The following SLC14A2 variants were observed in gnomAD, a reference collection of about 807,000 sequenced individuals.
SLC14A2 encodes the protein solute carrier family 14 member 2.
SLC14A2 carries 91 observed loss-of-function variants against 104.6 expected under a neutral mutation model. The observed-to-expected ratio is 0.87, with a 90% CI of 0.73 to 1.04. SLC14A2 has a LOEUF of 1.04. Ranked by LOEUF, SLC14A2 falls within the 50% of genes least tolerant of loss-of-function variation. The pLI, the probability that SLC14A2 is intolerant of heterozygous loss-of-function variation, is 0.00. For synonymous variants in SLC14A2, 476 were observed against 466.4 expected, an observed-to-expected ratio of 1.02 and a Z score of -0.27; for missense variants, 1,189 against 1,156.0, an observed-to-expected ratio of 1.03 and a Z score of -0.41.
the SLC14A2 span, among the ~76,000 whole-genome samples, chr18:45,205,542 ATTG>A: frequency 5.9e-5 from 9 of 152,312 alleles, no homozygotes; most frequent in East Asian, 9.7e-4. Flanking sequence ...GGAAAAGGTC[ATTG>A]TTGTTGTGGT....
intron 1 of SLC14A2, among the ~76,000 whole-genome samples, chr18:45,388,842 G>A (rs1303201424): frequency 6.6e-6 from 1 of 152,174 alleles, no homozygotes; most frequent in Non-Finnish European, 1.5e-5. Context: ...TGAGTGATAG[G>A]ATGATAAAGC....
At chr18:45,498,092 C>T (rs2043130570) in intron 2 of SLC14A2, among the ~76,000 whole-genome samples, 1 of 152,048 alleles carries the variant, frequency 6.6e-6, no homozygotes, top group Non-Finnish European at 1.5e-5. Context: ...CATGGAAGTC[C>T]ATTCCTGTCC....
chr18:45,642,376 T>C (rs12965073), intron 8 of SLC14A2, among the ~76,000 whole-genome samples: 140,737 of 152,214 alleles, frequency 0.92, 65,185 homozygotes, highest in Middle Eastern at 0.96. Flanking sequence ...CCGTAACTGC[T>C]TTTGGCCTTC....
At chr18:45,187,762 T>TAAAA in the SLC14A2 span, among the ~76,000 whole-genome samples, 246 of 151,372 alleles carry the variant, frequency 1.6e-3, no homozygotes, top group South Asian at 3.4e-3. Context: ...CTGCTTCTGG[T>TAAAA]AAAAAAATAA....
At chr18:45,581,932 T>C (rs1009613334) in intron 2 of SLC14A2, among the ~76,000 whole-genome samples, 13 of 152,192 alleles carry the variant, frequency 8.5e-5, no homozygotes, top group African/African-American at 3.1e-4. Context: ...TCTTAGTTTA[T>C]TTTCTGTTGC....
intron 2 of SLC14A2, among the ~76,000 whole-genome samples, chr18:45,608,253 A>C (rs1212097017): frequency 6.6e-6 from 1 of 152,232 alleles, no homozygotes; most frequent in Non-Finnish European, 1.5e-5. Flanking sequence ...CTCTCATTAA[A>C]TCCCTGATGG....
intron 2 of SLC14A2, among the ~76,000 whole-genome samples, chr18:45,501,864 G>A (rs779428923): frequency 3.3e-5 from 5 of 152,184 alleles, no homozygotes; most frequent in Non-Finnish European, 7.3e-5. Flanking sequence ...CACAAGTCTT[G>A]GCTAGAGCAA....
the SLC14A2 span, among the ~76,000 whole-genome samples, chr18:45,195,514 C>T: frequency 6.6e-6 from 1 of 152,176 alleles, no homozygotes; most frequent in Non-Finnish European, 1.5e-5. Context: ...GCCTCAGCCT[C>T]CAGAGTAGCT....
rs2045273149 is a variant in SLC14A2 at position 45,627,162 on chromosome 18, A to G, written c.521+15A>G. ...GGCCAAGACAGGTGGGTCCCTCTCTATAGGGATTTTAGCAAGATGTGTGGA... is the reference window on the plus strand; with the variant it reads ...GGCCAAGACAGGTGGGTCCCTCTCTGTAGGGATTTTAGCAAGATGTGTGGA... On this transcript the variant is annotated intron_variant, in intron 4 of 19. Coordinates refer to ENST00000255226, the MANE Select transcript of SLC14A2 (RefSeq NM_007163.4). 1 of 1,609,722 alleles carries G rather than the reference A, an allele frequency of 6.2e-7. No homozygotes were observed. The highest frequency in any genetic ancestry group is 1.3e-5 in the African/African-American group (1 of 74,928).
At chr18:45,339,806 C>G (rs1489609629) in intron 1 of SLC14A2, among the ~76,000 whole-genome samples, 1 of 152,104 alleles carries the variant, frequency 6.6e-6, no homozygotes, top group East Asian at 1.9e-4. Flanking sequence ...GTAGGGTGAC[C>G]ATATAATTTA....
intron 1 of SLC14A2, among the ~76,000 whole-genome samples, chr18:45,296,578 GGA>G (rs1291498767): frequency 6.6e-6 from 1 of 152,158 alleles, no homozygotes; most frequent in Non-Finnish European, 1.5e-5. Flanking sequence ...ACTACATGCT[GGA>G]TTAGGGAGTC....
upstream of SLC14A2, among the ~76,000 whole-genome samples, chr18:45,611,795 A>G (rs1815450137): frequency 6.6e-6 from 1 of 152,104 alleles, no homozygotes; most frequent in Admixed American, 6.5e-5. Context: ...CACATCACTG[A>G]CCCTGCAAAA....
chr18:45,632,149 G>GTT (rs1480848393), intron 4 of SLC14A2, among the ~76,000 whole-genome samples: 3 of 5,078 alleles, frequency 5.9e-4, no homozygotes, highest in Admixed American at 3.3e-3. Context: ...GTGTGTTTGT[G>GTT]TGTGTGTGTG....
intron 1 of SLC14A2, among the ~76,000 whole-genome samples, chr18:45,342,655 T>G (rs1016124125): frequency 1.3e-5 from 2 of 152,214 alleles, no homozygotes; most frequent in Non-Finnish European, 2.9e-5. Context: ...AGATAATGTT[T>G]GTTTGCACCA....
the SLC14A2 span, among the ~76,000 whole-genome samples, chr18:45,203,102 C>T: frequency 2.0e-5 from 3 of 152,064 alleles, no homozygotes; most frequent in East Asian, 1.9e-4. Flanking sequence ...TGAAAGAGAA[C>T]GGGATGCTAA....
At chr18:45,565,503 G>T (rs1365624204) in intron 2 of SLC14A2, among the ~76,000 whole-genome samples, 1 of 152,168 alleles carries the variant, frequency 6.6e-6, no homozygotes, top group Non-Finnish European at 1.5e-5. Context: ...GTGTAGGGAG[G>T]GAAGGAAGGG....
At chr18:45,599,338 T>C (rs868619480) in intron 2 of SLC14A2, among the ~76,000 whole-genome samples, 1 of 152,200 alleles carries the variant, frequency 6.6e-6, no homozygotes. Context: ...TGGCAATGAG[T>C]TGAATCACAG....
At chr18:45,290,170 T>G (rs1400552357) in intron 1 of SLC14A2, among the ~76,000 whole-genome samples, 1 of 152,190 alleles carries the variant, frequency 6.6e-6, no homozygotes, top group Non-Finnish European at 1.5e-5. Context: ...GTATATTGCG[T>G]GACACTGAGG....
At chr18:45,587,401 C>G (rs191523208) in intron 2 of SLC14A2, among the ~76,000 whole-genome samples, 6 of 152,322 alleles carry the variant, frequency 3.9e-5, no homozygotes, top group African/African-American at 1.4e-4. Flanking sequence ...GAACCCCGTT[C>G]CAGGATACTT....
Sources: allele counts gnomAD v4.1 joint callset (sites outside exome capture counted in the v4.1 genomes callset), GRCh38; gene constraint gnomAD v4.1.1; transcripts MANE v1.5; gene names NCBI Gene and HGNC (gene_info 2026-07-23, HGNC 2026-07-21).